Variants in RIMKLB observed in about 807,000 individuals in gnomAD.
RIMKLB encodes ribosomal modification protein rimK like family member B.
In RIMKLB, 7 loss-of-function variants were observed where a neutral mutation model predicts 32.0. That is an observed-to-expected ratio of 0.22 (90% confidence interval 0.12 to 0.41). The LOEUF (loss-of-function observed/expected upper bound fraction) is 0.41, where lower values mean the gene tolerates loss of function less well. Ranked by LOEUF, RIMKLB falls within the 10% of genes least tolerant of loss-of-function variation. The pLI, the probability that RIMKLB is intolerant of heterozygous loss-of-function variation, is 1.00. For synonymous variants in RIMKLB, 172 were observed against 185.1 expected, an observed-to-expected ratio of 0.93 and a Z score of 0.57; for missense variants, 289 against 498.7, an observed-to-expected ratio of 0.58 and a Z score of 4.00.
chr12:8,751,481 A>G (rs1339537003), intron 3 of RIMKLB, among the ~76,000 whole-genome samples: 3 of 152,204 alleles, frequency 2.0e-5, no homozygotes, highest in Non-Finnish European at 4.4e-5. Context: ...AACTCTGATT[A>G]GTAATGGAGA....
intron 1 of RIMKLB, among the ~76,000 whole-genome samples, chr12:8,704,971 A>AACACACACACACACAC (rs3076182): frequency 1.5e-3 from 223 of 146,670 alleles, no homozygotes; most frequent in African/African-American, 5.3e-3. Flanking sequence ...TCACCTCTAA[A>AACACACACACACACAC]ACACACACAC....
chr12:8,686,088 G>C (rs530236278), intron 1 of RIMKLB, among the ~76,000 whole-genome samples: 3 of 152,094 alleles, frequency 2.0e-5, no homozygotes, highest in Non-Finnish European at 2.9e-5. Context: ...TTACAGGCAT[G>C]AGCCACCGCG....
chr12:8,672,473 G>A, the RIMKLB span, among the ~76,000 whole-genome samples: 1 of 152,080 alleles, frequency 6.6e-6, no homozygotes, highest in African/African-American at 2.4e-5. Flanking sequence ...CCTTAGAATC[G>A]GGAGGAGAAA....
At chr12:8,709,183 T>G (rs765031772) in intron 1 of RIMKLB, among the ~76,000 whole-genome samples, 26 of 152,354 alleles carry the variant, frequency 1.7e-4, no homozygotes, top group African/African-American at 6.0e-4. Context: ...TGCCATTTTA[T>G]TTTATAGAGG....
chr12:8,679,431 T>A (rs1489544920), upstream of RIMKLB: 1 of 152,516 alleles, frequency 6.6e-6, no homozygotes, highest in African/African-American at 2.4e-5. Context: ...CTTCAAGTAA[T>A]CCGCCCGTGT....
intron 2 of RIMKLB, among the ~76,000 whole-genome samples, chr12:8,740,884 C>A (rs113953369): frequency 3.9e-5 from 6 of 152,200 alleles, no homozygotes; most frequent in Admixed American, 2.0e-4. Flanking sequence ...ACCAGCCTGG[C>A]CAACATGGTG....
intron 5 of RIMKLB, among the ~76,000 whole-genome samples, chr12:8,768,880 T>G (rs915019359): frequency 6.6e-6 from 1 of 152,200 alleles, no homozygotes; most frequent in African/African-American, 2.4e-5. Context: ...TGTATGTGAT[T>G]CTCTTTATTG....
chr12:8,723,103 G>A (rs1271465895), intron 2 of RIMKLB, among the ~76,000 whole-genome samples: 2 of 152,118 alleles, frequency 1.3e-5, no homozygotes, highest in African/African-American at 4.8e-5. Flanking sequence ...GTCTAACTTT[G>A]GCACAAGAGG....
upstream of RIMKLB, chr12:8,697,616 CT>C: frequency 5.4e-6 from 1 of 183,850 alleles, no homozygotes; most frequent in Non-Finnish European, 1.2e-5. Flanking sequence ...ATCCGTTTCC[CT>C]TTCTCAGTGA....
the RIMKLB span, among the ~76,000 whole-genome samples, chr12:8,671,952 T>C: frequency 6.9e-6 from 1 of 145,322 alleles, no homozygotes; most frequent in African/African-American, 2.5e-5. Flanking sequence ...CTGAATGCCT[T>C]TAATAGCATC....
At chr12:8,740,333 ACTT>A (rs1279526174) in intron 2 of RIMKLB, among the ~76,000 whole-genome samples, 1 of 152,132 alleles carries the variant, frequency 6.6e-6, no homozygotes, top group Non-Finnish European at 1.5e-5. Flanking sequence ...GTCATTATAG[ACTT>A]ATTTTTTACA....
At chr12:8,688,750 T>A (rs1942649892) in intron 1 of RIMKLB, among the ~76,000 whole-genome samples, 1 of 152,222 alleles carries the variant, frequency 6.6e-6, no homozygotes, top group Non-Finnish European at 1.5e-5. Flanking sequence ...AATGAAAGTT[T>A]TGATCCAGGG....
At chr12:8,777,850 T>C (rs1950824296), downstream of RIMKLB, 1 of 328,490 alleles carries the variant, frequency 3.0e-6, no homozygotes, top group Admixed American at 6.0e-5. Flanking sequence ...CTAACTTTCT[T>C]TTTTTAAAAC....
intron 5 of RIMKLB, among the ~76,000 whole-genome samples, chr12:8,766,404 C>T (rs1280678483): frequency 6.6e-6 from 1 of 152,084 alleles, no homozygotes; most frequent in Non-Finnish European, 1.5e-5. Context: ...GGGCTGGGTT[C>T]CTGAGCATTT....
At chr12:8,748,170 C>T (rs1948274430) in intron 2 of RIMKLB, among the ~76,000 whole-genome samples, 1 of 152,104 alleles carries the variant, frequency 6.6e-6, no homozygotes. Context: ...TGAATATGTT[C>T]TGTATTTTTG....
In RIMKLB at chr12:8,754,080, C is replaced by G; in HGVS notation, c.684C>G (p.Ser228Arg). 1 of 1,612,162 alleles carries G rather than the reference C, an allele frequency of 6.2e-7. No individual in the cohort carries two copies. The highest frequency in any genetic ancestry group is 8.5e-7 in the Non-Finnish European group (1 of 1,178,234). ...GTTCAACAGATGGGAGAATGCAAAGCAACTGCTCATTAGGTAAAAATAATG... is the reference window on the plus strand; with the variant it reads ...GTTCAACAGATGGGAGAATGCAAAGGAACTGCTCATTAGGTAAAAATAATG... ...LRCSTDGRMQSNCSLGGVGMM... is the reference protein window; with the variant it reads ...LRCSTDGRMQRNCSLGGVGMM... The change falls in exon 5 of 6, where the codon AGC becomes AGG. Residue 228 changes from serine (S) to arginine (R), a missense_variant. Around this residue, in one of 3 missense-constraint regions of RIMKLB, gnomAD observed 156 missense variants for 329.5 expected, o/e 0.47. Coordinates refer to ENST00000535829, the MANE Select transcript of RIMKLB (RefSeq NM_001297776.2).
chr12:8,735,865 G>A (rs1041816991), intron 2 of RIMKLB, among the ~76,000 whole-genome samples: 2 of 151,926 alleles, frequency 1.3e-5, no homozygotes, highest in African/African-American at 4.8e-5. Flanking sequence ...TGAGTAGCTG[G>A]GATTACAGGC....
rs1377313071 is a variant in RIMKLB, at chr12:8,775,695, T to C, written c.*1911T>C. On this transcript the variant is annotated 3_prime_UTR_variant, in exon 6 of 6. Coordinates refer to ENST00000535829, the MANE Select transcript of RIMKLB (RefSeq NM_001297776.2). ...AAAGGAATGTAATAAAATTTGTTTT[T>C]TCCATAGAATTAAATAATATTAAAA... 2.0e-6 allele frequency: 2 copies of C among 984,324 alleles called. No individual in the cohort carries two copies. Among genetic ancestry groups the C allele is most frequent in the African/African-American group, 3.5e-5 (2 of 57,208 alleles). The allele number at this position is 984,324 out of a possible 1,614,324, so 61.0% of individuals were successfully genotyped here.
intron 2 of RIMKLB, among the ~76,000 whole-genome samples, chr12:8,724,432 C>CT (rs1409335434): frequency 6.6e-6 from 1 of 151,876 alleles, no homozygotes; most frequent in African/African-American, 2.4e-5. Flanking sequence ...TGATGGTGTC[C>CT]TTTTTTCTGA....
Sources: allele counts gnomAD v4.1 joint callset (sites outside exome capture counted in the v4.1 genomes callset), GRCh38; gene constraint gnomAD v4.1.1; regional missense constraint gnomAD v4.1.1; transcripts MANE v1.5; gene names NCBI Gene and HGNC (gene_info 2026-07-23, HGNC 2026-07-21).